Variants in STOX2 observed in about 807,000 individuals in gnomAD.
STOX2 encodes storkhead-box protein 2.
In STOX2, 28 loss-of-function variants were observed where a neutral mutation model predicts 60.9. The observed-to-expected ratio is 0.46, with a 90% CI of 0.34 to 0.63. The LOEUF is 0.63. STOX2 is among the 30% of genes least tolerant of loss of function. The probability of loss-of-function intolerance (pLI) is 0.01; values close to 1 mark genes in which losing one functional copy is unlikely to be tolerated. For synonymous variants in STOX2, 472 were observed against 463.9 expected, an observed-to-expected ratio of 1.02 and a Z score of -0.22; for missense variants, 1,024 against 1,187.7, an observed-to-expected ratio of 0.86 and a Z score of 2.03.
chr4:184,000,619 G>C (rs1408926937), intron 1 of STOX2, among the ~76,000 whole-genome samples: 1 of 152,084 alleles, frequency 6.6e-6, no homozygotes, highest in East Asian at 1.9e-4. Context: ...TCTGCTTATA[G>C]GTCCCAGCCC....
chr4:183,870,289 C>T (rs927324437), intron 1 of STOX2, among the ~76,000 whole-genome samples: 1 of 152,178 alleles, frequency 6.6e-6, no homozygotes, highest in African/African-American at 2.4e-5. Flanking sequence ...TGTTTGTGTT[C>T]TAAGAGTTCA....
chr4:183,851,461 CGAT>C (rs1379136470), intron 1 of STOX2, among the ~76,000 whole-genome samples: 1 of 15,366 alleles, frequency 6.5e-5, no homozygotes, highest in East Asian at 1.7e-3. Context: ...ATGAGAGAAA[CGAT>C]GAGAGAAACG....
intron 1 of STOX2, among the ~76,000 whole-genome samples, chr4:183,843,979 CT>C (rs1739929067): frequency 6.6e-6 from 1 of 152,110 alleles, no homozygotes; most frequent in East Asian, 1.9e-4. Flanking sequence ...ATTATGTTTA[CT>C]TTTCTTTAAT....
chr4:183,804,216 A>G (rs186088806), intron 1 of STOX2, among the ~76,000 whole-genome samples: 40 of 152,370 alleles, frequency 2.6e-4, no homozygotes, highest in Non-Finnish European at 3.1e-4. Flanking sequence ...GAACAGAAAG[A>G]TAAATGTTCT....
At chr4:183,818,917 C>T (rs186946874) in intron 1 of STOX2, among the ~76,000 whole-genome samples, 15 of 151,594 alleles carry the variant, frequency 9.9e-5, no homozygotes, top group Admixed American at 2.6e-4. Flanking sequence ...GGATGGCGGC[C>T]GGGAAGAGGC....
At chr4:183,930,519 G>GTT (rs1241173031) in intron 1 of STOX2, among the ~76,000 whole-genome samples, 84 of 140,964 alleles carry the variant, frequency 6.0e-4, no homozygotes, top group African/African-American at 2.1e-3. Context: ...TTTGTTTTTT[G>GTT]TTTTTTTTTT....
rs1734625260 is a variant in STOX2 at position 184,022,447 on chromosome 4, G to A, written c.*5163G>A. The A allele has an allele frequency of 6.6e-6, 1 of 152,044 alleles. No individual in the cohort carries two copies. The highest frequency in any genetic ancestry group is 6.5e-5 in the Admixed American group (1 of 15,272). The allele number at this position is 152,044 out of a possible 1,614,324, so 9.4% of individuals were successfully genotyped here. On this transcript the variant is annotated 3_prime_UTR_variant, in exon 4 of 4. Transcript: ENST00000308497. Reference sequence around the variant, plus strand: ...ATTCACAAGATTCAGGATTCTACAAGACTCAAGGGGGAACTAAACTTTCTT... The same window carrying A: ...ATTCACAAGATTCAGGATTCTACAAAACTCAAGGGGGAACTAAACTTTCTT...
At chr4:183,857,603 C>T (rs1481482542) in intron 1 of STOX2, among the ~76,000 whole-genome samples, 4 of 152,174 alleles carry the variant, frequency 2.6e-5, no homozygotes. Flanking sequence ...GTTCTGCTTT[C>T]ATTCCTTTTA....
intron 1 of STOX2, among the ~76,000 whole-genome samples, chr4:183,827,830 G>A (rs1246749498): frequency 1.4e-5 from 2 of 147,016 alleles, no homozygotes; most frequent in African/African-American, 5.0e-5. Flanking sequence ...AGTGAGCTAT[G>A]CACACCACTG....
In STOX2 at chr4:184,011,022, G is replaced by A. The variant is rs372173418; in HGVS notation, c.2184G>A (p.Pro728=). The A allele has an allele frequency of 2.0e-5, 33 of 1,613,102 alleles. No homozygotes were observed. Among genetic ancestry groups the A allele is most frequent in the South Asian group, 1.4e-4 (13 of 90,894 alleles). ...KSSLSLLKSH[P]KTPADTLPGR... is the part of the protein sequence containing the mutation. Reference sequence around the variant, plus strand: ...GCCTGTCCCTCCTCAAATCTCACCCGAAGACACCTGCTGACACATTGCCAG... The same window carrying A: ...GCCTGTCCCTCCTCAAATCTCACCCAAAGACACCTGCTGACACATTGCCAG... Residue 728 remains proline, a synonymous_variant, in exon 3 of 4, where the codon CCG becomes CCA. Coordinates refer to ENST00000308497, the MANE Select transcript of STOX2 (RefSeq NM_020225.3). This position sits in a 1 kb window ranked among gnomAD's most constrained non-coding sequence, Gnocchi z 4.4.
intron 1 of STOX2, among the ~76,000 whole-genome samples, chr4:183,917,054 C>T (rs940456778): frequency 4.6e-5 from 7 of 152,186 alleles, no homozygotes; most frequent in African/African-American, 1.7e-4. Context: ...GGCCGTGGCT[C>T]GGGTCTGACG....
rs1467733399 is a variant in STOX2 at position 184,011,005 on chromosome 4, C to T, written c.2167C>T (p.Leu723Phe). The T allele has an allele frequency of 6.2e-7, 1 of 1,613,422 alleles. No individual in the cohort carries two copies. Among genetic ancestry groups the T allele is most frequent in the Admixed American group, 1.7e-5 (1 of 59,960 alleles). The change falls in exon 3 of 4, where the codon CTC becomes TTC. Residue 723 changes from leucine to phenylalanine, a missense_variant. Leu to Phe is a conservative substitution (Grantham distance 22). Around this residue, in one of 3 missense-constraint regions of STOX2, gnomAD observed 922 missense variants for 1,058.3 expected, o/e 0.87. Transcript: ENST00000308497. The surrounding 1 kb of genome is among the most constrained non-coding windows in gnomAD (Gnocchi z 4.4). ...CAGCTATCACAAGTCGAGCCTGTCCCTCCTCAAATCTCACCCGAAGACACC... is the reference window on the plus strand; with the variant it reads ...CAGCTATCACAAGTCGAGCCTGTCCTTCCTCAAATCTCACCCGAAGACACC... ...VNSYHKSSLS[L>F]LKSHPKTPAD...
At chr4:183,965,729 C>T (rs750880975) in intron 1 of STOX2, among the ~76,000 whole-genome samples, 1 of 151,616 alleles carries the variant, frequency 6.6e-6, no homozygotes, top group African/African-American at 2.4e-5. Context: ...AAACCAGTGG[C>T]GGGGGTTGTG....
chr4:183,844,804 C>T (rs188169975), intron 1 of STOX2, among the ~76,000 whole-genome samples: 34 of 152,308 alleles, frequency 2.2e-4, no homozygotes, highest in African/African-American at 7.0e-4. Flanking sequence ...GTGTATTGAG[C>T]ACCTCGCCTA....
In STOX2 at chr4:183,825,173, G is replaced by A. The variant is rs760956295; in HGVS notation, c.364+27118G>A. Among the ~76,000 whole-genome samples, 3 of 152,206 alleles carry A rather than the reference G, an allele frequency of 2.0e-5. No homozygotes were observed. Among genetic ancestry groups the A allele is most frequent in the African/African-American group, 4.8e-5 (2 of 41,456 alleles). On this transcript the variant is annotated intron_variant, in intron 1 of 2. Coordinates refer to the STOX2 transcript ENST00000513034. The surrounding 1 kb of genome is among the most constrained non-coding windows in gnomAD (Gnocchi z 4.1). ...GGTCACCCCATGGTGTCAGGAGGTC[G>A]TGGTGGATGGTCTCAGGTCCACCAT...
At chr4:183,917,721 C>T (rs1741970707) in intron 1 of STOX2, among the ~76,000 whole-genome samples, 1 of 152,188 alleles carries the variant, frequency 6.6e-6, no homozygotes, top group Non-Finnish European at 1.5e-5. Context: ...GCCATAGTGT[C>T]AAGTGGATTT....
At chr4:183,939,821 A>C (rs1195311577) in intron 1 of STOX2, among the ~76,000 whole-genome samples, 1 of 152,108 alleles carries the variant, frequency 6.6e-6, no homozygotes. Flanking sequence ...CATAATGGCG[A>C]AGTTATGTAA....
At chr4:184,015,472 TACCCTCG>T (rs1734327899) in intron 3 of STOX2, 1 of 152,014 alleles carries the variant, frequency 6.6e-6, no homozygotes, top group African/African-American at 2.4e-5. Context: ...TTTCTGGAGG[TACCCTCG>T]ACATTCAAGA....
chr4:183,968,650 C>A (rs1198360742), intron 1 of STOX2, among the ~76,000 whole-genome samples: 1 of 152,068 alleles, frequency 6.6e-6, no homozygotes, highest in East Asian at 1.9e-4. Context: ...CTGAAAAGAC[C>A]AACCCTTTTT....
Sources: gnomAD v4.1 joint callset for allele counts (sites outside exome capture counted in the v4.1 genomes callset) on GRCh38, gnomAD v4.1.1 for gene constraint, gnomAD v4.1.1 regional missense constraint, Gnocchi (gnomAD v3.1) non-coding constraint, MANE v1.5 for transcripts, NCBI Gene and HGNC (gene_info 2026-07-23, HGNC 2026-07-21) for gene names.